Variants in ATCAY observed in about 807,000 individuals in gnomAD.
The protein encoded by ATCAY is ATCAY kinesin light chain interacting caytaxin.
ATCAY carries 22 observed loss-of-function variants against 47.7 expected under a neutral mutation model. The ratio of observed to expected loss-of-function variants is 0.46; its 90% CI spans 0.33 to 0.66. The LOEUF (loss-of-function observed/expected upper bound fraction) is 0.66. Ranked by LOEUF, ATCAY falls within the 30% of genes least tolerant of loss-of-function variation. The pLI, the probability that ATCAY is intolerant of heterozygous loss-of-function variation, is 0.02. For missense variants in ATCAY, 452 were observed against 515.0 expected, an observed-to-expected ratio of 0.88 and a Z score of 1.18; for synonymous variants, 216 against 207.6, an observed-to-expected ratio of 1.04 and a Z score of -0.35.
chr19:3,906,379 T>C (rs1473278470), intron 4 of ATCAY, among the ~76,000 whole-genome samples: 2 of 149,516 alleles, frequency 1.3e-5, no homozygotes, highest in Non-Finnish European at 1.5e-5. Flanking sequence ...CTCAGCTCAC[T>C]GCATCCTCCA....
At chr19:3,892,639 A>G (rs1006584214) in intron 2 of ATCAY, among the ~76,000 whole-genome samples, 7 of 152,070 alleles carry the variant, frequency 4.6e-5, no homozygotes, top group East Asian at 1.9e-4. Context: ...GGGTGCGGTG[A>G]CTCACATCTG....
At chr19:3,889,134 C>G (rs1228905464) in intron 2 of ATCAY, among the ~76,000 whole-genome samples, 1 of 152,154 alleles carries the variant, frequency 6.6e-6, no homozygotes, top group Non-Finnish European at 1.5e-5. Flanking sequence ...CAAAAACTGG[C>G]TGGGCCTAGT....
intron 2 of ATCAY, among the ~76,000 whole-genome samples, chr19:3,898,058 T>C (rs2038784735): frequency 6.6e-6 from 1 of 152,152 alleles, no homozygotes; most frequent in Non-Finnish European, 1.5e-5. Flanking sequence ...TTTGAAGACA[T>C]TTTCATCACC....
intron 2 of ATCAY, among the ~76,000 whole-genome samples, chr19:3,890,834 C>T (rs1405044123): frequency 6.6e-6 from 1 of 152,154 alleles, no homozygotes; most frequent in Admixed American, 6.6e-5. Flanking sequence ...ACTTCCTCCA[C>T]GAGGCTTCTG....
Position 3,907,736 on chromosome 19 carries a change from G to C in ATCAY, c.361G>C (p.Asp121His). 6.2e-7 allele frequency: 1 copy of C among 1,613,912 alleles called. No homozygotes were observed. The highest frequency in any genetic ancestry group is 1.1e-5 in the South Asian group (1 of 91,078). ...GACTCTCCGCCACCTGCTTCTAGACGACACCCCCGTGGCCACCGCCAAGAA... is the reference window on the plus strand; with the variant it reads ...GACTCTCCGCCACCTGCTTCTAGACCACACCCCCGTGGCCACCGCCAAGAA... ...GNGNELEWED[D>H]TPVATAKNMP... The change falls in exon 5 of 13, where the codon GAC becomes CAC. Residue 121 changes from aspartate to histidine, a missense_variant and splice_region_variant. Asp to His is a moderately conservative substitution (Grantham distance 81). Transcript: ENST00000450849. This position sits in a 1 kb window ranked among gnomAD's most constrained non-coding sequence, Gnocchi z 5.1.
At chr19:3,881,439 G>A (rs1008584446) in intron 1 of ATCAY, among the ~76,000 whole-genome samples, 1 of 151,972 alleles carries the variant, frequency 6.6e-6, no homozygotes, top group African/African-American at 2.4e-5. Flanking sequence ...TGTGGGGTGG[G>A]GAGGAAGGGG....
At chr19:3,918,736 C>A in intron 10 of ATCAY, 70 bp from the exon 11 acceptor site, 1 of 1,553,910 alleles carries the variant, frequency 6.4e-7, no homozygotes, top group Non-Finnish European at 8.9e-7. Context: ...GAGGCCAGTA[C>A]TAGCTGAGAG....
At chr19:3,920,244 C>G (rs896559118) in intron 11 of ATCAY, 1 of 152,156 alleles carries the variant, frequency 6.6e-6, no homozygotes, top group Non-Finnish European at 1.5e-5. Flanking sequence ...ACTTGGGAGG[C>G]TGAGGTGGGA....
chr19:3,920,694 G>C, intron 11 of ATCAY, 72 bp from the exon 12 acceptor site: 1 of 1,348,960 alleles, frequency 7.4e-7, no homozygotes, highest in Non-Finnish European at 9.8e-7. Flanking sequence ...ATAAGTTAAA[G>C]AAAAAAAAGG....
In ATCAY at chr19:3,905,517, C is replaced by G. The variant is rs1469024193; in HGVS notation, c.220C>G (p.Gln74Glu). ...VAPEINISLD[Q>E]SEGSLLSDDF... ...CCCAGAGATCAACATTTCTCTGGAT[C>G]AGAGTGAGGGGTCCCTGCTGTCCGA... The change falls in exon 4 of 13, where the codon CAG (glutamine) becomes GAG (glutamate). Residue 74 changes from glutamine to glutamate, a missense_variant. Coordinates refer to ENST00000450849, the MANE Select transcript of ATCAY (RefSeq NM_033064.5). 6.2e-7 allele frequency: 1 copy of G among 1,613,886 alleles called. No homozygotes were observed. The highest frequency in any genetic ancestry group is 1.3e-5 in the African/African-American group (1 of 74,926).
intron 2 of ATCAY, among the ~76,000 whole-genome samples, chr19:3,901,497 C>T (rs1271296462): frequency 6.6e-6 from 1 of 152,066 alleles, no homozygotes; most frequent in Admixed American, 6.6e-5. Context: ...GTCAACAACT[C>T]ATCAGAGACC....
chr19:3,907,014 G>T lies in ATCAY; in HGVS notation c.359-720G>T, dbSNP rs1053943188. ...TTAGCCGGGCATGGTGGCGTGCGTA[G>T]TCCCAGCTACTCGGGAGGCTGAGGC... On this transcript the variant is annotated intron_variant, in intron 4 of 12. Transcript: ENST00000450849. This position sits in a 1 kb window ranked among gnomAD's most constrained non-coding sequence, Gnocchi z 5.1. Among the ~76,000 whole-genome samples, 3 of 151,688 alleles carry T rather than the reference G, an allele frequency of 2.0e-5. No homozygotes were observed. The highest frequency in any genetic ancestry group is 7.3e-5 in the African/African-American group (3 of 41,370).
chr19:3,923,036 T>C (rs1254380830), intron 12 of ATCAY, among the ~76,000 whole-genome samples: 1 of 152,152 alleles, frequency 6.6e-6, no homozygotes, highest in African/African-American at 2.4e-5. Context: ...TGAGCCACCA[T>C]GCCCAGCTGA....
At chr19:3,901,962 C>T (rs1210527729) in intron 2 of ATCAY, among the ~76,000 whole-genome samples, 1 of 152,080 alleles carries the variant, frequency 6.6e-6, no homozygotes, top group East Asian at 1.9e-4. Flanking sequence ...TGCCACTCTA[C>T]TCCATCCAGC....
intron 12 of ATCAY, among the ~76,000 whole-genome samples, chr19:3,924,308 G>A (rs911461631): frequency 6.6e-6 from 1 of 152,096 alleles, no homozygotes; most frequent in Middle Eastern, 3.2e-3. Flanking sequence ...TGTATGGTTG[G>A]TTAGTTGGGG....
intron 9 of ATCAY, among the ~76,000 whole-genome samples, chr19:3,917,205 G>A (rs180804917): frequency 1.8e-3 from 278 of 151,802 alleles, no homozygotes; most frequent in African/African-American, 5.8e-3. Flanking sequence ...CCAGAGGATC[G>A]CTTGAGCCCA....
chr19:3,906,597 C>T (rs1196109326), intron 4 of ATCAY, among the ~76,000 whole-genome samples: 5 of 152,038 alleles, frequency 3.3e-5, no homozygotes. Context: ...GCCACGGCGC[C>T]CAGCCTGCCC....
rs767272889 is a variant in ATCAY, at chr19:3,905,646, G to A, written c.349G>A (p.Glu117Lys). ...GTTCCTGGGGAATGGCAACGAACTG[G>A]AGTGGGAAGGTAAAGTTCAGGGTCT... Reference protein sequence around the residue: ...LEFLGNGNELEWEDDTPVATA... With the variant: ...LEFLGNGNELKWEDDTPVATA... Residue 117 changes from glutamate to lysine, a missense_variant, in exon 4 of 13, where the codon GAG (glutamate) becomes AAG (lysine). Physicochemically the swap from Glu to Lys is moderately conservative, Grantham distance 56 (BLOSUM62 1). Coordinates refer to ENST00000450849, the MANE Select transcript of ATCAY (RefSeq NM_033064.5). 2 of 1,613,424 alleles carry A rather than the reference G, an allele frequency of 1.2e-6. No individual in the cohort carries two copies. Among genetic ancestry groups the A allele is most frequent in the South Asian group, 1.1e-5 (1 of 91,054 alleles).
At chr19:3,909,366 T>C in intron 6 of ATCAY, 120 bp from the exon 7 acceptor site, 1 of 1,193,302 alleles carries the variant, frequency 8.4e-7, no homozygotes, top group Admixed American at 2.1e-5. Context: ...AGACAACACC[T>C]GGACCAGTGG....
Sources: allele counts gnomAD v4.1 joint callset (sites outside exome capture counted in the v4.1 genomes callset), GRCh38; gene constraint gnomAD v4.1.1; non-coding constraint Gnocchi (gnomAD v3.1); transcripts MANE v1.5; gene names NCBI Gene and HGNC (gene_info 2026-07-23, HGNC 2026-07-21).